Variants in ADGRV1 observed in about 807,000 individuals in gnomAD.
ADGRV1 encodes the protein G-protein coupled receptor 98.
ADGRV1 carries 359 observed loss-of-function variants against 596.2 expected under a neutral mutation model. The observed-to-expected ratio is 0.60, with a 90% CI of 0.55 to 0.66. The LOEUF (loss-of-function observed/expected upper bound fraction) is 0.66, where lower values mean the gene tolerates loss of function less well. Among genes scored for constraint, ADGRV1 ranks in the 30% least tolerant of loss-of-function variants. The probability of loss-of-function intolerance (pLI) is 0.00; values close to 1 mark genes in which losing one functional copy is unlikely to be tolerated. For missense variants in ADGRV1, 7,274 were observed against 7,575.6 expected, an observed-to-expected ratio of 0.96 and a Z score of 1.48; for synonymous variants, 2,681 against 2,679.2, an observed-to-expected ratio of 1.00 and a Z score of -0.02.
In ADGRV1 at chr5:90,857,755, G is replaced by T. The variant is rs572453780; in HGVS notation, c.17755+1854G>T. 2.0e-5 allele frequency among the ~76,000 whole-genome samples: 3 copies of T among 152,116 alleles called. No individual in the cohort carries two copies. In the South Asian group the frequency reaches 6.2e-4, roughly 32 times the overall value. ...CTGGATGAATTCCCATCCCTCTGAT[G>T]GATCCCCAGGAACCAGAAAAGAGAA... On this transcript the variant is annotated intron_variant, in intron 82 of 89. Coordinates refer to ENST00000405460, the MANE Select transcript of ADGRV1 (RefSeq NM_032119.4).
intron 85 of ADGRV1, among the ~76,000 whole-genome samples, chr5:91,054,256 A>T (rs1035857909): frequency 6.6e-6 from 1 of 152,026 alleles, no homozygotes; most frequent in Non-Finnish European, 1.5e-5. Flanking sequence ...TTTTTGCCTC[A>T]TTTCTCTCAT....
chr5:90,901,632 C>T (rs1771850142), intron 83 of ADGRV1, among the ~76,000 whole-genome samples: 1 of 152,062 alleles, frequency 6.6e-6, no homozygotes, highest in African/African-American at 2.4e-5. Context: ...TAGTACTTGG[C>T]CTCCTTTGCT....
chr5:91,138,772 CTT>C (rs34573065), intron 87 of ADGRV1, among the ~76,000 whole-genome samples: 82 of 138,048 alleles, frequency 5.9e-4, no homozygotes, highest in African/African-American at 7.2e-4. Flanking sequence ...TATTGGTAAA[CTT>C]TTTTTTTTTT....
chr5:90,775,840 C>A (rs1227811043), intron 60 of ADGRV1, among the ~76,000 whole-genome samples: 1 of 152,078 alleles, frequency 6.6e-6, no homozygotes, highest in Non-Finnish European at 1.5e-5. Flanking sequence ...TTCCATTAAT[C>A]CATTGCCAAA....
Position 90,854,088 on chromosome 5 carries a change from G to A in ADGRV1, c.17481G>A (p.Gln5827=). The A allele has an allele frequency of 6.3e-7, 1 of 1,586,002 alleles. No individual in the cohort carries two copies. The highest frequency in any genetic ancestry group is 8.6e-7 in the Non-Finnish European group (1 of 1,162,590). ...NKVLSLSVKG[Q]SSQLLTNDNE... ...TATTATCTTTGAGTGTGAAAGGTCA[G>A]AGTTCACAACTCCTGACTAATGACA... The change falls in exon 81 of 90, where the codon CAG becomes CAA. Residue 5827 remains glutamine (Q), a synonymous_variant. Coordinates refer to ENST00000405460, the MANE Select transcript of ADGRV1 (RefSeq NM_032119.4).
intron 42 of ADGRV1, 47 bp from the exon 43 acceptor site, chr5:90,716,420 A>G: frequency 6.6e-6 from 8 of 1,212,044 alleles, no homozygotes; most frequent in Non-Finnish European, 9.2e-6. Context: ...CAGCATTTAT[A>G]ACCTCTTCTA....
At chr5:91,031,840 G>A (rs1313878022) in intron 85 of ADGRV1, among the ~76,000 whole-genome samples, 10 of 151,996 alleles carry the variant, frequency 6.6e-5, no homozygotes, top group Non-Finnish European at 1.0e-4. Context: ...AACTAATTGG[G>A]TTTCTTTTTA....
intron 53 of ADGRV1, among the ~76,000 whole-genome samples, chr5:90,751,143 T>C (rs1253886000): frequency 6.6e-6 from 1 of 152,018 alleles, no homozygotes; most frequent in Non-Finnish European, 1.5e-5. Flanking sequence ...GACTCTGAGA[T>C]TGAGAGTTGT....
In ADGRV1 at chr5:90,840,646, G is replaced by A; in HGVS notation, c.16680G>A (p.Val5560=). ...ISPAISGKDF[V]ITEGTLVFEP... ...CAGCTATTTCTGGAAAGGATTTTGTGATAACTGAAGGCACATTGGTCTTTG... is the reference window on the plus strand; with the variant it reads ...CAGCTATTTCTGGAAAGGATTTTGTAATAACTGAAGGCACATTGGTCTTTG... The change falls in exon 78 of 90, where the codon GTG becomes GTA. Residue 5560 remains valine, a synonymous_variant. Coordinates refer to ENST00000405460, the MANE Select transcript of ADGRV1 (RefSeq NM_032119.4). 1 of 1,613,780 alleles carries A rather than the reference G, an allele frequency of 6.2e-7. No homozygotes were observed. The highest frequency in any genetic ancestry group is 8.5e-7 in the Non-Finnish European group (1 of 1,179,700).
At chr5:91,069,554 A>G (rs1788189328) in intron 85 of ADGRV1, among the ~76,000 whole-genome samples, 1 of 152,194 alleles carries the variant, frequency 6.6e-6, no homozygotes, top group South Asian at 2.1e-4. Flanking sequence ...CAAAACCACA[A>G]TGAAACACCA....
chr5:90,756,908 A>T (rs1348434205), intron 56 of ADGRV1, 71 bp from the exon 57 acceptor site: 4 of 1,247,202 alleles, frequency 3.2e-6, no homozygotes, highest in Non-Finnish European at 1.1e-6. Flanking sequence ...AGTAGAAACA[A>T]TAACTTTAGA....
Position 90,764,528 on chromosome 5 carries a change from C to G in ADGRV1, c.12285+1059C>G, listed in dbSNP as rs1366442865. The stretch of plus-strand genomic sequence containing the variant: ...TCTAGAGTGGGAGATGACTCCCTCT[C>G]TACGACTGTCCCTAGGCATTGGTGC... On this transcript the variant is annotated intron_variant, in intron 59 of 89. Coordinates refer to ENST00000405460, the MANE Select transcript of ADGRV1 (RefSeq NM_032119.4). Among the ~76,000 whole-genome samples the G allele has an allele frequency of 3.9e-5, 6 of 152,344 alleles. No individual in the cohort carries two copies. The East Asian group carries it at 1.2e-3, about 29-fold the overall frequency.
chr5:90,750,751 T>TGGG (rs1755155205), intron 53 of ADGRV1, 54 bp downstream of exon 53: 1 of 1,417,688 alleles, frequency 7.1e-7, no homozygotes, highest in African/African-American at 1.4e-5. Context: ...TTACTAGTGA[T>TGGG]GTATGGGACC....
chr5:91,021,678 T>A (rs945459799), intron 85 of ADGRV1, among the ~76,000 whole-genome samples: 1 of 152,114 alleles, frequency 6.6e-6, no homozygotes, highest in Non-Finnish European at 1.5e-5. Context: ...CCTGAAAGGA[T>A]AGCAGCAGGT....
chr5:91,079,915 A>G (rs1789192269), intron 86 of ADGRV1, among the ~76,000 whole-genome samples: 1 of 152,172 alleles, frequency 6.6e-6, no homozygotes, highest in Non-Finnish European at 1.5e-5. Flanking sequence ...ACTGCATGTA[A>G]GTGCAGGTGT....
Position 90,879,128 on chromosome 5 carries a change from A to T in ADGRV1, c.17856+15271A>T, listed in dbSNP as rs578198950. On this transcript the variant is annotated intron_variant, in intron 83 of 89. Transcript: ENST00000405460. ...GCAAAAGGAAGGAAGGAGAACATCTACTAGCAAAAGCTGAATGAGGACTTC... is the reference window on the plus strand; with the variant it reads ...GCAAAAGGAAGGAAGGAGAACATCTTCTAGCAAAAGCTGAATGAGGACTTC... 1.9e-3 allele frequency among the ~76,000 whole-genome samples: 297 copies of T among 152,316 alleles called. 1 individual carries two copies. Among genetic ancestry groups the T allele is most frequent in the African/African-American group, 6.6e-3 (274 of 41,570 alleles).
chr5:90,751,060 G>T (rs747824729), intron 53 of ADGRV1, among the ~76,000 whole-genome samples: 2 of 152,166 alleles, frequency 1.3e-5, no homozygotes, highest in Non-Finnish European at 2.9e-5. Context: ...GAACAAGTCT[G>T]TGTAAAACAG....
At chr5:90,574,168 AG>A (rs1220908223) in intron 1 of ADGRV1, among the ~76,000 whole-genome samples, 1 of 147,248 alleles carries the variant, frequency 6.8e-6, no homozygotes, top group Admixed American at 6.6e-5. Flanking sequence ...ATTTCAGAAT[AG>A]TTTTTTTTTT....
intron 73 of ADGRV1, among the ~76,000 whole-genome samples, chr5:90,809,195 A>G (rs1008442782): frequency 2.6e-5 from 4 of 151,190 alleles, no homozygotes; most frequent in Non-Finnish European, 5.9e-5. Flanking sequence ...TGACCTCGTG[A>G]TCCGCCCACC....
Sources: allele counts gnomAD v4.1 joint callset (sites outside exome capture counted in the v4.1 genomes callset), GRCh38; gene constraint gnomAD v4.1.1; transcripts MANE v1.5; gene names NCBI Gene and HGNC (gene_info 2026-07-23, HGNC 2026-07-21).